DRD3: variants seen among roughly 807,000 people sequenced by gnomAD.
DRD3 encodes dopamine receptor D3.
Under a neutral mutation model 36.3 loss-of-function variants are expected in DRD3, and 19 were observed. That is an observed-to-expected ratio of 0.52 (90% confidence interval 0.36 to 0.77). DRD3 has a LOEUF of 0.77. DRD3 is among the 30% of genes least tolerant of loss of function. The pLI is 0.00. For missense variants in DRD3, 465 were observed against 505.3 expected (o/e 0.92, Z 0.77); for synonymous variants, 195 against 203.7 (o/e 0.96, Z 0.36).
intron 1 of DRD3, among the ~76,000 whole-genome samples, chr3:114,198,138 AGG>A (rs894135479): frequency 6.3e-4 from 96 of 152,184 alleles, no homozygotes; most frequent in African/African-American, 2.2e-3. Flanking sequence ...TTTAGGGTAC[AGG>A]TCTTTTATAT....
At chr3:114,156,781 T>TTC (rs1383514394) in intron 3 of DRD3, among the ~76,000 whole-genome samples, 3 of 124,770 alleles carry the variant, frequency 2.4e-5, no homozygotes, top group African/African-American at 5.9e-5. Context: ...CTTTCTTTCT[T>TTC]TCTTTCTTTC....
chr3:114,133,706 G>C (rs966443028), intron 5 of DRD3, among the ~76,000 whole-genome samples: 1 of 152,256 alleles, frequency 6.6e-6, no homozygotes, highest in Non-Finnish European at 1.5e-5. Flanking sequence ...TGGTATGGAG[G>C]GGGAGGTGTG....
chr3:114,133,596 T>C (rs1388128073), intron 5 of DRD3, among the ~76,000 whole-genome samples: 1 of 152,248 alleles, frequency 6.6e-6, no homozygotes, highest in African/African-American at 2.4e-5. Flanking sequence ...GTTAATTTAA[T>C]ATCTCTGAGC....
intron 1 of DRD3, among the ~76,000 whole-genome samples, chr3:114,191,506 G>A (rs2078010575): frequency 6.6e-6 from 1 of 152,190 alleles, no homozygotes; most frequent in Non-Finnish European, 1.5e-5. Context: ...GATGCCAGAT[G>A]GTGTAGGAGT....
chr3:114,165,370 G>T lies in DRD3; in HGVS notation c.271-5503C>A, dbSNP rs150101379. ...CGCTTGAACCCGGAAGGTGGAGGTT[G>T]CAGTGAGCTGAGATTGCGCCACTGC... On this transcript the variant is annotated intron_variant, in intron 2 of 6. Transcript: ENST00000383673. Among the ~76,000 whole-genome samples, 428 of 152,206 alleles carry T rather than the reference G, an allele frequency of 2.8e-3. 5 individuals are homozygous for T. Among genetic ancestry groups the T allele is most frequent in the African/African-American group, 0.01 (416 of 41,510 alleles).
chr3:114,133,516 T>TAAA (rs371184129), intron 5 of DRD3, among the ~76,000 whole-genome samples: 90 of 143,966 alleles, frequency 6.3e-4, no homozygotes, highest in Non-Finnish European at 1.2e-3. Flanking sequence ...TAATAGAAAT[T>TAAA]AAAAAAAAAA....
At chr3:114,182,325 C>T (rs199974740), upstream of DRD3, among the ~76,000 whole-genome samples, 237 of 152,204 alleles carry the variant, frequency 1.6e-3, 5 homozygotes, top group South Asian at 0.022. Flanking sequence ...GTTCAACTCA[C>T]TTATTATTAT....
intron 1 of DRD3, among the ~76,000 whole-genome samples, chr3:114,175,118 C>A (rs1265960570): frequency 6.6e-6 from 1 of 152,062 alleles, no homozygotes; most frequent in Non-Finnish European, 1.5e-5. Context: ...CCACTAGATG[C>A]CAGTAGCATA....
At chr3:114,144,753 T>C (rs1033721215) in intron 4 of DRD3, among the ~76,000 whole-genome samples, 1 of 152,184 alleles carries the variant, frequency 6.6e-6, no homozygotes, top group Non-Finnish European at 1.5e-5. Context: ...ACACAATATA[T>C]GAATAATTGG....
chr3:114,132,549 C>T lies in DRD3; in HGVS notation c.724-1149G>A, dbSNP rs181486764. On this transcript the variant is annotated intron_variant, in intron 5 of 6. Transcript: ENST00000383673. Reference sequence around the variant, plus strand: ...GTAACAAACCTGCACGTTCAGCACACGTACCCCAGAACTTAAAGTAAAAAA... The same window carrying T: ...GTAACAAACCTGCACGTTCAGCACATGTACCCCAGAACTTAAAGTAAAAAA... Among the ~76,000 whole-genome samples the T allele has an allele frequency of 2.7e-5, 4 of 146,762 alleles. No homozygotes were observed. In the East Asian group the frequency reaches 7.9e-4, roughly 29 times the overall value.
At chr3:114,158,088 G>C (rs1577605231) in intron 3 of DRD3, among the ~76,000 whole-genome samples, 1 of 151,838 alleles carries the variant, frequency 6.6e-6, no homozygotes, top group East Asian at 1.9e-4. Flanking sequence ...GACAACAAAA[G>C]TGAAACTCCA....
chr3:114,172,788 C>T (rs546213830), intron 1 of DRD3, among the ~76,000 whole-genome samples: 1 of 152,266 alleles, frequency 6.6e-6, no homozygotes, highest in South Asian at 2.1e-4. Flanking sequence ...AACAGAACAC[C>T]TGAGTCTGGG....
intron 2 of DRD3, among the ~76,000 whole-genome samples, chr3:114,166,037 G>A (rs1012853583): frequency 2.0e-5 from 3 of 148,420 alleles, no homozygotes; most frequent in Non-Finnish European, 4.4e-5. Context: ...CCTAGCTGGA[G>A]TGCAGTGGCA....
intron 5 of DRD3, among the ~76,000 whole-genome samples, chr3:114,138,782 A>T (rs2077497811): frequency 6.6e-6 from 1 of 152,000 alleles, no homozygotes; most frequent in Non-Finnish European, 1.5e-5. Flanking sequence ...GGGGTGCTTT[A>T]TTTGCTTTTC....
chr3:114,138,650 G>A lies in DRD3; in HGVS notation c.723+850C>T, dbSNP rs150755568. Among the ~76,000 whole-genome samples the A allele has an allele frequency of 2.0e-3, 306 of 152,242 alleles. 3 individuals carry two copies. The highest frequency in any genetic ancestry group is 2.1e-3 in the Non-Finnish European group (146 of 68,020). ...GGACACAGCCAAACCATATCACTGA[G>A]CATATTGGGTTTTCTCTTCTATAAC... On this transcript the variant is annotated intron_variant, in intron 5 of 6. Transcript: ENST00000383673.
In DRD3 at chr3:114,147,542, G is replaced by GACC; in HGVS notation, c.396_398dup (p.Val133dup). Reference sequence around the variant, plus strand: ...TGCCATGCTGGTAGTGAACGGGCATGACCACTGCAGTGTACCTGAAAAAGC... The same window carrying GACC: ...TGCCATGCTGGTAGTGAACGGGCATGACCACCACTGCAGTGTACCTGAAAAAGC... On this transcript the variant is annotated inframe_insertion, in exon 4 of 7. Transcript: ENST00000383673. 1 of 1,612,796 alleles carries GACC rather than the reference G, an allele frequency of 6.2e-7. No individual in the cohort carries two copies. Among genetic ancestry groups the GACC allele is most frequent in the South Asian group, 1.1e-5 (1 of 91,036 alleles).
Position 114,178,313 on chromosome 3 carries a change from A to G in DRD3, c.-36+344T>C, listed in dbSNP as rs573566582. ...TTTAAAATAACAGACCCTTACAATT[A>G]AGTAAAATCCTTAAGAGGAATACAA... On this transcript the variant is annotated intron_variant, in intron 1 of 6. Coordinates refer to ENST00000383673, the MANE Select transcript of DRD3 (RefSeq NM_000796.6). Among the ~76,000 whole-genome samples, 41 of 152,336 alleles carry G rather than the reference A, an allele frequency of 2.7e-4. 1 individual carries two copies. Among genetic ancestry groups the G allele is most frequent in the African/African-American group, 6.7e-4 (28 of 41,576 alleles).
intron 3 of DRD3, among the ~76,000 whole-genome samples, chr3:114,159,090 G>A (rs146667964): frequency 1.2e-3 from 190 of 152,200 alleles, no homozygotes; most frequent in African/African-American, 4.1e-3. Flanking sequence ...GTGAGTCCAG[G>A]TGCTCTCAGG....
intron 1 of DRD3, among the ~76,000 whole-genome samples, chr3:114,194,831 T>TTA (rs1276077946): frequency 2.0e-5 from 3 of 151,148 alleles, no homozygotes; most frequent in Non-Finnish European, 4.4e-5. Flanking sequence ...CAAAGATTTT[T>TTA]TTTTTTTTTT....
Sources: allele counts gnomAD v4.1 joint callset (sites outside exome capture counted in the v4.1 genomes callset), GRCh38; gene constraint gnomAD v4.1.1; transcripts MANE v1.5; gene names NCBI Gene and HGNC (gene_info 2026-07-23, HGNC 2026-07-21).